CNTN4: variants seen among roughly 807,000 people sequenced by gnomAD.
CNTN4 encodes the protein contactin 4, also known as contactin-4.
Under a neutral mutation model 122.5 loss-of-function variants are expected in CNTN4, and 77 were observed. That is an observed-to-expected ratio of 0.63 (90% CI 0.52 to 0.76). CNTN4 has a LOEUF of 0.76. Among genes scored for constraint, CNTN4 ranks in the 30% least tolerant of loss-of-function variants. The probability of loss-of-function intolerance (pLI) is 0.00; values close to 1 mark genes in which losing one functional copy is unlikely to be tolerated. For synonymous variants in CNTN4, 512 were observed against 447.0 expected (o/e 1.15, Z -1.83); for missense variants, 1,256 against 1,259.1 (o/e 1.00, Z 0.04).
intron 13 of CNTN4, among the ~76,000 whole-genome samples, chr3:2,933,749 G>A (rs7633620): frequency 0.69 from 104,305 of 151,974 alleles, 36,026 homozygotes; most frequent in Middle Eastern, 0.78. Flanking sequence ...TAAGTGCTAT[G>A]TGAGTGTCCA....
chr3:2,602,718 G>A (rs1383788178), intron 4 of CNTN4, among the ~76,000 whole-genome samples: 1 of 152,106 alleles, frequency 6.6e-6, no homozygotes, highest in Non-Finnish European at 1.5e-5. Flanking sequence ...ATGGTTTATG[G>A]AATTCTTATG....
chr3:2,696,026 A>G (rs2086014287), intron 4 of CNTN4, among the ~76,000 whole-genome samples: 1 of 152,214 alleles, frequency 6.6e-6, no homozygotes, highest in African/African-American at 2.4e-5. Flanking sequence ...ACATGTATGC[A>G]TTATGTGTAT....
chr3:2,484,985 G>A (rs747366003), intron 3 of CNTN4, among the ~76,000 whole-genome samples: 5 of 152,164 alleles, frequency 3.3e-5, no homozygotes, highest in African/African-American at 7.2e-5. Flanking sequence ...CCGTGGGCTC[G>A]GCGGCCCGCA....
chr3:2,195,804 T>C lies in CNTN4; in HGVS notation c.-145+95165T>C, dbSNP rs78556291. On this transcript the variant is annotated intron_variant, in intron 2 of 24. Transcript: ENST00000418658. The stretch of plus-strand genomic sequence containing the variant: ...TTTAAGAGAAAATATTCCGTGACAC[T>C]TAGTTACCTAGTTTGGCTTGAAGCA... 5.7e-3 allele frequency among the ~76,000 whole-genome samples: 865 copies of C among 152,308 alleles called. 4 individuals carry two copies. The highest frequency in any genetic ancestry group is 0.02 in the African/African-American group (844 of 41,578).
At chr3:2,420,482 C>T (rs887893405) in intron 3 of CNTN4, among the ~76,000 whole-genome samples, 1 of 151,848 alleles carries the variant, frequency 6.6e-6, no homozygotes, top group Non-Finnish European at 1.5e-5. Context: ...GTCCCCCAGG[C>T]TGGAGTCCAG....
intron 13 of CNTN4, among the ~76,000 whole-genome samples, chr3:2,970,280 A>G (rs943753270): frequency 6.6e-6 from 1 of 151,844 alleles, no homozygotes; most frequent in African/African-American, 2.4e-5. Flanking sequence ...TATTTTTTGT[A>G]GAAACAGGGC....
intron 13 of CNTN4, chr3:2,927,356 A>G: frequency 4.4e-6 from 2 of 455,554 alleles, no homozygotes; most frequent in Non-Finnish European, 8.8e-6. Flanking sequence ...TGGTGGACCA[A>G]GATGCTCTGG....
chr3:2,631,306 G>T (rs1247930935), intron 4 of CNTN4, among the ~76,000 whole-genome samples: 1 of 152,188 alleles, frequency 6.6e-6, no homozygotes, highest in Non-Finnish European at 1.5e-5. Context: ...ATAGCCATAT[G>T]CAGTTAACAG....
At chr3:2,121,976 A>G (rs372752782) in intron 2 of CNTN4, among the ~76,000 whole-genome samples, 15 of 151,664 alleles carry the variant, frequency 9.9e-5, no homozygotes, top group South Asian at 2.1e-4. Flanking sequence ...CCACGGTGAA[A>G]CCCCGTCTCT....
chr3:2,304,498 A>G (rs2042634211), intron 2 of CNTN4, among the ~76,000 whole-genome samples: 1 of 152,134 alleles, frequency 6.6e-6, no homozygotes, highest in Non-Finnish European at 1.5e-5. Flanking sequence ...ATGATTAAAG[A>G]CAGACCAAAG....
At chr3:2,926,481 C>T (rs975777400) in intron 13 of CNTN4, among the ~76,000 whole-genome samples, 1 of 152,080 alleles carries the variant, frequency 6.6e-6, no homozygotes, top group Non-Finnish European at 1.5e-5. Context: ...TGGCTGTCAC[C>T]CCTGTAAAAT....
chr3:2,540,317 C>G (rs1270478246), intron 3 of CNTN4, among the ~76,000 whole-genome samples: 1 of 151,918 alleles, frequency 6.6e-6, no homozygotes, highest in Non-Finnish European at 1.5e-5. Flanking sequence ...CATCATGTTG[C>G]TTGGCACCAC....
chr3:2,201,867 C>G (rs887523485), intron 2 of CNTN4, among the ~76,000 whole-genome samples: 1 of 152,090 alleles, frequency 6.6e-6, no homozygotes, highest in Non-Finnish European at 1.5e-5. Flanking sequence ...TGATAATATA[C>G]AGAAACTGAC....
chr3:2,464,156 A>G lies in CNTN4; in HGVS notation c.-88-107260A>G, dbSNP rs1255009481. 3.9e-5 allele frequency among the ~76,000 whole-genome samples: 6 copies of G among 152,110 alleles called. No homozygotes were observed. In the East Asian group the frequency reaches 5.8e-4, roughly 15 times the overall value. On this transcript the variant is annotated intron_variant, in intron 3 of 24. Transcript: ENST00000418658. ...ACTTCATTTGTCCTCTGCTCTATCT[A>G]TCCTAGGTACTAGAATACCTAGGGT...
chr3:2,850,005 T>TTC (rs1559578039), intron 7 of CNTN4, among the ~76,000 whole-genome samples: 1 of 151,654 alleles, frequency 6.6e-6, no homozygotes, highest in African/African-American at 2.4e-5. Context: ...CTTTTTTTTT[T>TTC]CTGAGACGGA....
At chr3:2,911,709 A>C (rs964543065) in intron 12 of CNTN4, among the ~76,000 whole-genome samples, 2 of 132,252 alleles carry the variant, frequency 1.5e-5, no homozygotes, top group Non-Finnish European at 3.2e-5. Context: ...GCATGAACAA[A>C]ATGAGAGTAT....
At chr3:2,607,840 A>G (rs1053266025) in intron 4 of CNTN4, among the ~76,000 whole-genome samples, 1 of 152,118 alleles carries the variant, frequency 6.6e-6, no homozygotes, top group Non-Finnish European at 1.5e-5. Flanking sequence ...TAGGGTATCA[A>G]TTTATGATTT....
chr3:2,585,317 G>C (rs1275683609), intron 4 of CNTN4, among the ~76,000 whole-genome samples: 1 of 151,146 alleles, frequency 6.6e-6, no homozygotes, highest in Admixed American at 6.6e-5. Flanking sequence ...AATACCATTT[G>C]ACCCAGCCAT....
chr3:2,444,505 C>T (rs972357608), intron 3 of CNTN4, among the ~76,000 whole-genome samples: 8 of 152,070 alleles, frequency 5.3e-5, no homozygotes, highest in Admixed American at 1.3e-4. Context: ...CAACCAGTGA[C>T]GCTAAGAGTG....
Sources: gnomAD v4.1 joint callset for allele counts (sites outside exome capture counted in the v4.1 genomes callset) on GRCh38, gnomAD v4.1.1 for gene constraint, MANE v1.5 for transcripts, NCBI Gene and HGNC (gene_info 2026-07-23, HGNC 2026-07-21) for gene names.